The following PDZD2 variants were observed in gnomAD, a reference collection of about 807,000 sequenced individuals.
PDZD2 encodes PDZ domain containing 2.
In PDZD2, 90 loss-of-function variants were observed where a neutral mutation model predicts 220.7. The observed-to-expected ratio is 0.41, with a 90% CI of 0.34 to 0.49. PDZD2 has a LOEUF of 0.49. Ranked by LOEUF, PDZD2 falls within the 20% of genes least tolerant of loss-of-function variation. PDZD2 has a pLI of 0.28. For missense variants in PDZD2, 3,174 were observed against 3,608.5 expected (o/e 0.88, Z 3.08); for synonymous variants, 1,375 against 1,450.5 (o/e 0.95, Z 1.18).
At chr5:31,665,076 T>C (rs778771186) in intron 1 of PDZD2, 3 of 152,302 alleles carry the variant, frequency 2.0e-5, no homozygotes, top group African/African-American at 4.8e-5. Flanking sequence ...CTATTTCTGC[T>C]ACTGTCTGAT....
intron 6 of PDZD2, among the ~76,000 whole-genome samples, chr5:32,012,139 C>G (rs1034783024): frequency 6.6e-6 from 1 of 152,170 alleles, no homozygotes; most frequent in Non-Finnish European, 1.5e-5. Flanking sequence ...TTCCTCATTG[C>G]TCTCGTCCCC....
intron 1 of PDZD2, among the ~76,000 whole-genome samples, chr5:31,731,861 T>C (rs143001208): frequency 2.4e-4 from 37 of 152,364 alleles, no homozygotes; most frequent in African/African-American, 8.9e-4. Context: ...TTGGGGCATA[T>C]ACTTAAGAGT....
intron 2 of PDZD2, among the ~76,000 whole-genome samples, chr5:31,909,670 A>G (rs552798907): frequency 1.3e-5 from 2 of 152,340 alleles, no homozygotes; most frequent in Middle Eastern, 6.8e-3. Flanking sequence ...ATATACATGA[A>G]ATAGTCATGT....
At chr5:31,870,498 G>C (rs1446601180) in intron 2 of PDZD2, among the ~76,000 whole-genome samples, 1 of 152,178 alleles carries the variant, frequency 6.6e-6, no homozygotes, top group Non-Finnish European at 1.5e-5. Flanking sequence ...GAAGAGGGTG[G>C]TTTAAAAAAT....
At chr5:32,072,972 C>T (rs1740899261) in intron 17 of PDZD2, among the ~76,000 whole-genome samples, 1 of 151,946 alleles carries the variant, frequency 6.6e-6, no homozygotes, top group South Asian at 2.1e-4. Flanking sequence ...TTGTAGAAGG[C>T]TGTAAATTAA....
chr5:31,763,665 G>C (rs2150189588), intron 1 of PDZD2, among the ~76,000 whole-genome samples: 1 of 152,202 alleles, frequency 6.6e-6, no homozygotes, highest in Middle Eastern at 3.4e-3. Context: ...CTGGCATGGA[G>C]ACAGTGACTC....
Position 31,841,863 on chromosome 5 carries a change from C to T in PDZD2, c.476+42139C>T, listed in dbSNP as rs551049011. On this transcript the variant is annotated intron_variant, in intron 2 of 24. Coordinates refer to ENST00000438447, the MANE Select transcript of PDZD2 (RefSeq NM_178140.4). Reference sequence around the variant, plus strand: ...GCGCATGCCTGTAGTCCCAGCTACTCGGGAGGCTGAGGCAGGAGAATCGCT... The same window carrying T: ...GCGCATGCCTGTAGTCCCAGCTACTTGGGAGGCTGAGGCAGGAGAATCGCT... Among the ~76,000 whole-genome samples the T allele has an allele frequency of 5.3e-5, 8 of 151,524 alleles. No individual in the cohort carries two copies. The East Asian group carries it at 1.4e-3, about 26-fold the overall frequency.
chr5:31,855,172 G>A (rs1758336646), intron 2 of PDZD2: 1 of 945,216 alleles, frequency 1.1e-6, no homozygotes, highest in Non-Finnish European at 1.3e-6. Context: ...ACTGGAGGTA[G>A]GAAATCGGCT....
intron 2 of PDZD2, among the ~76,000 whole-genome samples, chr5:31,936,762 A>T (rs1211274188): frequency 6.6e-6 from 1 of 152,166 alleles, no homozygotes; most frequent in South Asian, 2.1e-4. Flanking sequence ...GGTGCTCACT[A>T]ATTTTTGCTG....
chr5:31,925,165 T>C (rs1744629575), intron 2 of PDZD2, among the ~76,000 whole-genome samples: 1 of 152,212 alleles, frequency 6.6e-6, no homozygotes, highest in African/African-American at 2.4e-5. Context: ...AAAGTCATCC[T>C]AAGTAAAAAG....
chr5:31,956,336 G>GTT (rs71598912), intron 2 of PDZD2, among the ~76,000 whole-genome samples: 25,954 of 133,252 alleles, frequency 0.19, 2,702 homozygotes, highest in South Asian at 0.27. Context: ...GAAACTAAGA[G>GTT]TTTTTTTTTT....
intron 2 of PDZD2, among the ~76,000 whole-genome samples, chr5:31,981,760 G>T (rs558110692): frequency 1.3e-5 from 2 of 152,298 alleles, no homozygotes; most frequent in East Asian, 3.9e-4. Flanking sequence ...CGTTGTCCTG[G>T]GTTCATCAGG....
intron 1 of PDZD2, among the ~76,000 whole-genome samples, chr5:31,709,451 G>A (rs992351365): frequency 3.3e-5 from 5 of 151,398 alleles, no homozygotes; most frequent in Non-Finnish European, 4.4e-5. Context: ...GCACTGCACT[G>A]CAGCCTGGGT....
chr5:32,085,758 G>A (rs1467833973), intron 19 of PDZD2, among the ~76,000 whole-genome samples: 1 of 151,904 alleles, frequency 6.6e-6, no homozygotes, highest in Admixed American at 6.6e-5. Flanking sequence ...TGTTTTTGTT[G>A]TGTTGTTGTT....
chr5:31,644,187 C>T (rs1385410998), intron 1 of PDZD2, among the ~76,000 whole-genome samples: 1 of 152,130 alleles, frequency 6.6e-6, no homozygotes, highest in Non-Finnish European at 1.5e-5. Context: ...CCTTATTTTC[C>T]AACCGGATGG....
At chr5:31,902,022 A>G (rs571512652) in intron 2 of PDZD2, among the ~76,000 whole-genome samples, 1 of 152,336 alleles carries the variant, frequency 6.6e-6, no homozygotes, top group East Asian at 1.9e-4. Context: ...CATTTTGGCT[A>G]TCGTAAATAA....
At chr5:31,693,548 C>CT (rs113229410) in intron 1 of PDZD2, among the ~76,000 whole-genome samples, 25 of 150,414 alleles carry the variant, frequency 1.7e-4, no homozygotes, top group South Asian at 4.3e-4. Context: ...CCGAAAAGCA[C>CT]TTTTTTTTTT....
At position 32,000,501 on chromosome 5, in the gene PDZD2, GTTTTT is replaced by G; in HGVS notation, c.1254+231_1254+235del. On this transcript the variant is annotated intron_variant, in intron 5 of 24. Transcript: ENST00000438447. This position sits in a 1 kb window ranked among gnomAD's most constrained non-coding sequence, Gnocchi z 4.5. Reference sequence around the variant, plus strand: ...GAAGTTTGTTTTTGTTTTTGTTTTTGTTTTTGTTTTTGTTTTTGTTTTTTTTGAGA... The same window carrying G: ...GAAGTTTGTTTTTGTTTTTGTTTTTGGTTTTTGTTTTTGTTTTTTTTGAGA... Among the ~76,000 whole-genome samples, 1 of 150,876 alleles carries G rather than the reference GTTTTT, an allele frequency of 6.6e-6. No homozygotes were observed. Among genetic ancestry groups the G allele is most frequent in the Admixed American group, 6.6e-5 (1 of 15,140 alleles).
At chr5:31,734,869 G>A (rs761403037) in intron 1 of PDZD2, among the ~76,000 whole-genome samples, 40 of 152,264 alleles carry the variant, frequency 2.6e-4, no homozygotes, top group Non-Finnish European at 4.7e-4. Context: ...GACTTCAAGC[G>A]TTTTAGGAGC....
Sources: allele counts gnomAD v4.1 joint callset (sites outside exome capture counted in the v4.1 genomes callset), GRCh38; gene constraint gnomAD v4.1.1; non-coding constraint Gnocchi (gnomAD v3.1); transcripts MANE v1.5; gene names NCBI Gene and HGNC (gene_info 2026-07-23, HGNC 2026-07-21).